The following LINGO2 variants were observed in gnomAD, a reference collection of about 807,000 sequenced individuals.
LINGO2 encodes the protein leucine-rich repeat and immunoglobulin-like domain-containing nogo receptor-interacting protein 2.
In LINGO2, 14 loss-of-function variants were observed where a neutral mutation model predicts 30.6. That is an observed-to-expected ratio of 0.46 (90% confidence interval 0.30 to 0.72). The LOEUF (loss-of-function observed/expected upper bound fraction) is 0.72. LINGO2 is among the 30% of genes least tolerant of loss of function. LINGO2 has a pLI of 0.07. For synonymous variants in LINGO2, 317 were observed against 288.5 expected, an observed-to-expected ratio of 1.10 and a Z score of -1.00; for missense variants, 729 against 751.7, an observed-to-expected ratio of 0.97 and a Z score of 0.35.
intron 1 of LINGO2, among the ~76,000 whole-genome samples, chr9:28,582,966 G>A (rs971719315): frequency 1.3e-5 from 2 of 151,706 alleles, no homozygotes; most frequent in Non-Finnish European, 2.9e-5. Context: ...GTGTATATGT[G>A]TATACACAAA....
At chr9:28,589,781 CACAGAATTGGAA>C (rs1824773740) in intron 1 of LINGO2, among the ~76,000 whole-genome samples, 1 of 151,860 alleles carries the variant, frequency 6.6e-6, no homozygotes, top group South Asian at 2.1e-4. Flanking sequence ...TGACTTTCTT[CACAGAATTGGAA>C]AAAACTACTT....
the LINGO2 span, among the ~76,000 whole-genome samples, chr9:29,092,503 C>T: frequency 1.1e-4 from 16 of 151,976 alleles, no homozygotes; most frequent in African/African-American, 3.9e-4. Context: ...TAATATTATG[C>T]TCACTCATCA....
chr9:29,156,613 C>A, the LINGO2 span, among the ~76,000 whole-genome samples: 6 of 152,132 alleles, frequency 3.9e-5, no homozygotes, highest in South Asian at 1.2e-3. Context: ...TATGTTTCTT[C>A]TGATAACTTC....
At chr9:29,122,211 C>T in the LINGO2 span, among the ~76,000 whole-genome samples, 7 of 151,964 alleles carry the variant, frequency 4.6e-5, no homozygotes, top group African/African-American at 1.4e-4. Flanking sequence ...AAACTAAATA[C>T]GTATGTTCAA....
intron 4 of LINGO2, among the ~76,000 whole-genome samples, chr9:28,069,023 T>G (rs1825395718): frequency 6.6e-6 from 1 of 151,972 alleles, no homozygotes; most frequent in South Asian, 2.1e-4. Flanking sequence ...CACAAAAAAC[T>G]AGAGTACAGA....
At chr9:28,863,606 A>C in the LINGO2 span, 2 of 529,652 alleles carry the variant, frequency 3.8e-6, no homozygotes, top group Non-Finnish European at 7.8e-6. Context: ...CATGGTGTAG[A>C]TCAACTGCAG....
At chr9:29,166,043 A>C in the LINGO2 span, among the ~76,000 whole-genome samples, 1 of 152,284 alleles carries the variant, frequency 6.6e-6, no homozygotes, top group Admixed American at 6.5e-5. Flanking sequence ...TTACATATAC[A>C]TATAATCAAT....
In LINGO2 at chr9:28,001,382, T is replaced by C. The variant is rs147274269; in HGVS notation, c.-36+10973A>G. On this transcript the variant is annotated intron_variant, in intron 5 of 5. Coordinates refer to ENST00000379992, the Ensembl canonical transcript of LINGO2. ...CTTGTAGAATTTCTAAGTCAGGAGATGTTAGGGACTATCACAAGTTATACA... is the reference window on the plus strand; with the variant it reads ...CTTGTAGAATTTCTAAGTCAGGAGACGTTAGGGACTATCACAAGTTATACA... Among the ~76,000 whole-genome samples the C allele has an allele frequency of 4.3e-3, 620 of 145,582 alleles. 2 individuals carry two copies. Among genetic ancestry groups the C allele is most frequent in the African/African-American group, 0.015 (589 of 39,626 alleles).
chr9:28,883,628 G>GTGTGTATTTA, the LINGO2 span, among the ~76,000 whole-genome samples: 1 of 64,180 alleles, frequency 1.6e-5, no homozygotes, highest in South Asian at 6.4e-4. Context: ...ATGTGTGTGT[G>GTGTGTATTTA]TATATATATA....
chr9:28,630,601 T>A (rs1413914399), intron 1 of LINGO2, among the ~76,000 whole-genome samples: 2 of 152,120 alleles, frequency 1.3e-5, no homozygotes, highest in African/African-American at 4.8e-5. Flanking sequence ...CACATTTGTC[T>A]GGTCTACTTT....
the LINGO2 span, among the ~76,000 whole-genome samples, chr9:28,905,448 C>A: frequency 6.6e-6 from 1 of 151,390 alleles, no homozygotes. Context: ...AACTTAATAG[C>A]AAGAAAAAAA....
At chr9:28,694,945 C>A in the LINGO2 span, among the ~76,000 whole-genome samples, 1 of 147,692 alleles carries the variant, frequency 6.8e-6, no homozygotes, top group African/African-American at 2.5e-5. Flanking sequence ...TTTCCATTAT[C>A]CTGACTGTTT....
the LINGO2 span, among the ~76,000 whole-genome samples, chr9:28,967,852 G>A: frequency 0.013 from 1,930 of 152,276 alleles, 27 homozygotes; most frequent in African/African-American, 0.043. Flanking sequence ...AAGAGAAAGA[G>A]AGAAGACAGA....
At chr9:28,594,419 T>C (rs1258504798) in intron 1 of LINGO2, among the ~76,000 whole-genome samples, 1 of 152,120 alleles carries the variant, frequency 6.6e-6, no homozygotes, top group Non-Finnish European at 1.5e-5. Flanking sequence ...TTAGAGATTC[T>C]TTCTTGCTTT....
the LINGO2 span, among the ~76,000 whole-genome samples, chr9:28,861,097 A>G: frequency 8.3e-6 from 1 of 121,024 alleles, no homozygotes; most frequent in Non-Finnish European, 1.6e-5. Context: ...TAAATTATAT[A>G]AATATATAAA....
chr9:29,170,131 T>C, the LINGO2 span, among the ~76,000 whole-genome samples: 1 of 152,234 alleles, frequency 6.6e-6, no homozygotes, highest in Admixed American at 6.5e-5. Flanking sequence ...AATCACCGTA[T>C]CAAAAAGACA....
chr9:29,056,981 G>C, the LINGO2 span, among the ~76,000 whole-genome samples: 1 of 152,024 alleles, frequency 6.6e-6, no homozygotes, highest in African/African-American at 2.4e-5. Flanking sequence ...TGCTGTTTTG[G>C]TGACTAGAGC....
At chr9:28,646,654 T>TA (rs1273845643) in intron 1 of LINGO2, among the ~76,000 whole-genome samples, 1 of 152,020 alleles carries the variant, frequency 6.6e-6, no homozygotes, top group Non-Finnish European at 1.5e-5. Flanking sequence ...AGGGAGAAGA[T>TA]ATAGGATTTG....
intron 2 of LINGO2, among the ~76,000 whole-genome samples, chr9:28,380,947 C>T (rs996220344): frequency 2.2e-4 from 34 of 152,134 alleles, no homozygotes; most frequent in East Asian, 1.4e-3. Flanking sequence ...GGTATAACTA[C>T]GGGCTTGCCC....
Sources: gnomAD v4.1 joint callset for allele counts (sites outside exome capture counted in the v4.1 genomes callset) on GRCh38, gnomAD v4.1.1 for gene constraint, MANE v1.5 for transcripts, NCBI Gene and HGNC (gene_info 2026-07-23, HGNC 2026-07-21) for gene names.